Variants in AUTS2 observed in about 807,000 individuals in gnomAD.
AUTS2 encodes the protein activator of transcription and developmental regulator AUTS2, also known as autism susceptibility gene 2 protein.
Under a neutral mutation model 112.4 loss-of-function variants are expected in AUTS2, and 17 were observed. The observed-to-expected ratio is 0.15, with a 90% CI of 0.10 to 0.23. AUTS2 has a LOEUF of 0.23. Ranked by LOEUF, AUTS2 falls within the 10% of genes least tolerant of loss-of-function variation. The pLI, the probability that AUTS2 is intolerant of heterozygous loss-of-function variation, is 1.00. For synonymous variants in AUTS2, 751 were observed against 702.7 expected (o/e 1.07, Z -1.09); for missense variants, 1,510 against 1,701.6 (o/e 0.89, Z 1.98).
In AUTS2 at chr7:70,164,537, AT is replaced by A. The variant is rs922569554; in HGVS notation, c.660+29973del. On this transcript the variant is annotated intron_variant, in intron 4 of 18. Transcript: ENST00000342771. ...GTTCTTCGATTGGTTGGATTAAAAA[AT>A]TTTTTTGATGTTTTTCTCATGATTA... Among the ~76,000 whole-genome samples the A allele has an allele frequency of 2.6e-5, 4 of 152,170 alleles. No individual in the cohort carries two copies. In the South Asian group the frequency reaches 8.3e-4, roughly 32 times the overall value.
At chr7:70,472,340 G>A (rs1020013508) in intron 5 of AUTS2, among the ~76,000 whole-genome samples, 8 of 149,632 alleles carry the variant, frequency 5.3e-5, no homozygotes, top group Admixed American at 6.7e-5. Flanking sequence ...TTTCTTGTTT[G>A]GGTTTTGGGG....
At chr7:69,702,857 G>A (rs1462553130) in intron 1 of AUTS2, among the ~76,000 whole-genome samples, 2 of 152,060 alleles carry the variant, frequency 1.3e-5, no homozygotes, top group African/African-American at 2.4e-5. Flanking sequence ...TTGGGTTCTC[G>A]GCTTATGTGA....
At chr7:70,303,456 A>C (rs1018105816) in intron 4 of AUTS2, among the ~76,000 whole-genome samples, 2 of 151,300 alleles carry the variant, frequency 1.3e-5, no homozygotes, top group African/African-American at 4.8e-5. Context: ...ACACACACAC[A>C]CACACACACA....
At position 70,785,852 on chromosome 7, in the gene AUTS2, G is replaced by A. The variant is rs531341157; in HGVS notation, c.2225-103G>A. On this transcript the variant is annotated intron_variant, in intron 16 of 18. Coordinates refer to ENST00000342771, the MANE Select transcript of AUTS2 (RefSeq NM_015570.4). ...AAAGTGGGACAGGCCAGGTGGGGGC[G>A]TAGAGAGGGCAGGGATCCCGCATCG... 1.4e-4 allele frequency: 150 copies of A among 1,064,010 alleles called. No individual in the cohort carries two copies. In the African/African-American group the frequency reaches 2.0e-3, roughly 14 times the overall value. 65.9% of individuals were successfully genotyped at this position (1,064,010 alleles called of 1,614,324 possible).
At chr7:69,823,525 T>C (rs1791096310) in intron 1 of AUTS2, among the ~76,000 whole-genome samples, 1 of 152,222 alleles carries the variant, frequency 6.6e-6, no homozygotes, top group South Asian at 2.1e-4. Context: ...CATTGGTAGA[T>C]CACCCCTGCT....
intron 4 of AUTS2, among the ~76,000 whole-genome samples, chr7:70,217,982 A>G (rs567286353): frequency 1.3e-5 from 2 of 152,266 alleles, no homozygotes; most frequent in Admixed American, 1.3e-4. Context: ...ACTGATATAG[A>G]TGGTTGAAGC....
chr7:70,729,638 T>C (rs980674965), intron 6 of AUTS2, among the ~76,000 whole-genome samples: 6 of 152,210 alleles, frequency 3.9e-5, no homozygotes, highest in African/African-American at 1.4e-4. Context: ...GACCAGTAAT[T>C]GTTTCTGTAC....
At chr7:69,664,236 A>ATTTT (rs1562794844) in intron 1 of AUTS2, among the ~76,000 whole-genome samples, 1 of 152,190 alleles carries the variant, frequency 6.6e-6, no homozygotes, top group African/African-American at 2.4e-5. Flanking sequence ...AACACAGAGA[A>ATTTT]CTCATTTTCA....
At chr7:69,991,712 G>A (rs1392132594) in intron 2 of AUTS2, among the ~76,000 whole-genome samples, 5 of 152,138 alleles carry the variant, frequency 3.3e-5, no homozygotes, top group African/African-American at 1.2e-4. Context: ...TTTGAAAGTT[G>A]AAAGTTTTGT....
chr7:70,224,855 A>G (rs779909840), intron 4 of AUTS2, among the ~76,000 whole-genome samples: 6 of 152,232 alleles, frequency 3.9e-5, no homozygotes, highest in Admixed American at 6.5e-5. Context: ...ACAGTTGCCT[A>G]CAGTATTCAG....
At chr7:70,454,617 G>A (rs1036350357) in intron 5 of AUTS2, among the ~76,000 whole-genome samples, 5 of 152,194 alleles carry the variant, frequency 3.3e-5, no homozygotes, top group South Asian at 2.1e-4. Context: ...TACTCGGGCC[G>A]GGCACGGTGA....
intron 4 of AUTS2, among the ~76,000 whole-genome samples, chr7:70,338,833 CTTATTTATTTATTTAT>C (rs60351906): frequency 7.1e-5 from 10 of 141,080 alleles, no homozygotes; most frequent in East Asian, 2.1e-4. Context: ...AGCCTCATCT[CTTATTTATTTATTTAT>C]TTATTTATTT....
At chr7:69,603,884 C>T (rs1792566318) in intron 1 of AUTS2, among the ~76,000 whole-genome samples, 1 of 152,146 alleles carries the variant, frequency 6.6e-6, no homozygotes, top group Non-Finnish European at 1.5e-5. Flanking sequence ...TGTTGGCTTT[C>T]TGCTATTTGG....
chr7:70,041,255 CTT>C (rs947090695), intron 2 of AUTS2, among the ~76,000 whole-genome samples: 1 of 152,098 alleles, frequency 6.6e-6, no homozygotes, highest in Non-Finnish European at 1.5e-5. Flanking sequence ...TTCATACTCT[CTT>C]AAAAAAATAT....
intron 6 of AUTS2, among the ~76,000 whole-genome samples, chr7:70,757,586 T>C (rs6460554): frequency 0.99 from 150,097 of 152,106 alleles, 74,092 homozygotes; most frequent in East Asian, 1. Context: ...TTGATGATCC[T>C]GTTGGGTTTT....
At chr7:70,532,796 C>CA (rs1316504379) in intron 5 of AUTS2, among the ~76,000 whole-genome samples, 2 of 152,080 alleles carry the variant, frequency 1.3e-5, no homozygotes, top group African/African-American at 4.8e-5. Flanking sequence ...GCCTGCAGAA[C>CA]AAAATGGAAG....
At chr7:69,670,684 C>G (rs1796279639) in intron 1 of AUTS2, among the ~76,000 whole-genome samples, 1 of 150,108 alleles carries the variant, frequency 6.7e-6, no homozygotes, top group East Asian at 2.0e-4. Flanking sequence ...GGTTACCAAT[C>G]TGGGTAACAT....
intron 1 of AUTS2, among the ~76,000 whole-genome samples, chr7:69,681,722 T>G (rs1184392854): frequency 6.6e-6 from 1 of 152,240 alleles, no homozygotes; most frequent in Non-Finnish European, 1.5e-5. Flanking sequence ...TATTGTTTGT[T>G]GTAGAATCCA....
At chr7:70,485,828 G>A (rs1797971405) in intron 5 of AUTS2, among the ~76,000 whole-genome samples, 1 of 152,068 alleles carries the variant, frequency 6.6e-6, no homozygotes, top group South Asian at 2.1e-4. Flanking sequence ...GAGGGTGCTG[G>A]CACCTGGATC....
Sources: allele counts gnomAD v4.1 joint callset (sites outside exome capture counted in the v4.1 genomes callset), GRCh38; gene constraint gnomAD v4.1.1; transcripts MANE v1.5; gene names NCBI Gene and HGNC (gene_info 2026-07-23, HGNC 2026-07-21).